The following ZNF780B variants were observed in gnomAD, a reference collection of about 807,000 sequenced individuals.
ZNF780B encodes zinc finger protein 779.
A neutral mutation model predicts 74.1 loss-of-function variants in ZNF780B; 52 were observed. The observed-to-expected ratio is 0.70, with a 90% CI of 0.56 to 0.88. ZNF780B has a LOEUF of 0.88. ZNF780B is among the 40% of genes least tolerant of loss of function. ZNF780B has a pLI of 0.00. For synonymous variants in ZNF780B, 315 were observed against 324.3 expected (o/e 0.97, Z 0.31); for missense variants, 953 against 1,007.6 (o/e 0.95, Z 0.73).
At position 40,034,996 on chromosome 19, in the gene ZNF780B, G is replaced by A. The variant is rs1972184957; in HGVS notation, c.1863C>T (p.Ala621=). ...GATTAAGCTGGGTGTGAAGACTGAA[G>A]GCCTTGCCACATTCCTTACATTCAA... ...KPFECKECGK[A]FSLHTQLNHH... is the part of the protein sequence containing the mutation. Residue 621 remains alanine, a synonymous_variant, in exon 5 of 5, where the codon GCC becomes GCT. Transcript: ENST00000434248. The A allele has an allele frequency of 6.2e-7, 1 of 1,613,888 alleles. No individual in the cohort carries two copies. Among genetic ancestry groups the A allele is most frequent in the Admixed American group, 1.7e-5 (1 of 59,990 alleles).
chr19:40,033,250 A>C lies in ZNF780B; in HGVS notation c.*1107T>G, dbSNP rs1414382676. 1 of 154,930 alleles carries C rather than the reference A, an allele frequency of 6.5e-6. No homozygotes were observed. Among genetic ancestry groups the C allele is most frequent in the East Asian group, 1.9e-4 (1 of 5,206 alleles). The allele number at this position is 154,930 out of a possible 1,614,324, so 9.6% of individuals were successfully genotyped here. A position where few individuals can be genotyped will look rare whatever the true frequency, so the allele number is the denominator to read the frequency against. ...TGTGACACAAAGACATGAAATGTGC[A>C]TATGCTGTTTGGAAAATGGTGCTGA... On this transcript the variant is annotated 3_prime_UTR_variant, in exon 5 of 5. Transcript: ENST00000434248.
chr19:40,054,492 A>T (rs1002512000), intron 1 of ZNF780B, among the ~76,000 whole-genome samples: 4 of 152,208 alleles, frequency 2.6e-5, no homozygotes, highest in Admixed American at 2.0e-4. Flanking sequence ...ATCATGTTGC[A>T]CACGATAAAT....
At chr19:40,052,432 T>C (rs1325570068) in intron 1 of ZNF780B, among the ~76,000 whole-genome samples, 1 of 152,186 alleles carries the variant, frequency 6.6e-6, no homozygotes, top group African/African-American at 2.4e-5. Context: ...AATGATATAC[T>C]ATTTCTCCCT....
chr19:40,046,115 G>A (rs1323975836), intron 4 of ZNF780B, among the ~76,000 whole-genome samples: 1 of 152,120 alleles, frequency 6.6e-6, no homozygotes, highest in Non-Finnish European at 1.5e-5. Flanking sequence ...GAGGGGTGGG[G>A]GATGAAGAGG....
In ZNF780B at chr19:40,035,262, C is replaced by G. The variant is rs767306074; in HGVS notation, c.1597G>C (p.Glu533Gln). 10 of 1,614,162 alleles carry G rather than the reference C, an allele frequency of 6.2e-6. No homozygotes were observed. The Admixed American group carries it at 1.5e-4, about 24-fold the overall frequency. ...HTGEKPYECK[E>Q]CGKAFRLHLQ... is the part of the protein sequence containing the mutation. ...TGAAGTCTAAAAGCCTTCCCACACT[C>G]CTTACATTCATAGGGCTTCTCACCA... The change falls in exon 5 of 5, where the codon GAG becomes CAG. Residue 533 changes from glutamate to glutamine, a missense_variant. Coordinates refer to ENST00000434248, the MANE Select transcript of ZNF780B (RefSeq NM_001005851.3).
At chr19:40,049,095 G>A (rs747099890) in intron 2 of ZNF780B, 36 of 341,908 alleles carry the variant, frequency 1.1e-4, no homozygotes, top group Non-Finnish European at 1.5e-4. Flanking sequence ...AAGAACTGTC[G>A]TGGTGGCATG....
intron 4 of ZNF780B, among the ~76,000 whole-genome samples, chr19:40,043,237 A>G (rs191529256): frequency 0.015 from 2,282 of 151,746 alleles, 34 homozygotes; most frequent in African/African-American, 0.032. Flanking sequence ...AACAGTGGAT[A>G]TTGGTGACCC....
Position 40,035,343 on chromosome 19 carries a change from A to G in ZNF780B, c.1516T>C (p.Cys506Arg). Reference protein sequence around the residue: ...TGEKPFECKDCGKAFNRGSNL... With the variant: ...TGEKPFECKDRGKAFNRGSNL... Reference sequence around the variant, plus strand: ...GAGCCACGATTGAAGGCCTTCCCACAGTCTTTACATTCAAATGGTTTCTCA... The same window carrying G: ...GAGCCACGATTGAAGGCCTTCCCACGGTCTTTACATTCAAATGGTTTCTCA... The change falls in exon 5 of 5, where the codon TGT becomes CGT. Residue 506 changes from cysteine to arginine, a missense_variant. Cys to Arg is a radical substitution (Grantham distance 180). Transcript: ENST00000434248. 1 of 1,614,128 alleles carries G rather than the reference A, an allele frequency of 6.2e-7. No individual in the cohort carries two copies. Among genetic ancestry groups the G allele is most frequent in the Non-Finnish European group, 8.5e-7 (1 of 1,180,028 alleles).
chr19:40,034,436 G>GTA lies in ZNF780B; in HGVS notation c.2422_2423insTA (p.Pro808LeufsTer3). The GTA allele has an allele frequency of 1.2e-6, 2 of 1,613,896 alleles. No individual in the cohort carries two copies. Among genetic ancestry groups the GTA allele is most frequent in the Non-Finnish European group, 1.7e-6 (2 of 1,179,954 alleles). ...CTGTCCCACATTTCTTACATTCAAA[G>GTA]GGTTTCTCACCTGTACAAGTTTTTG... is the stretch of plus-strand genomic sequence containing the variant. On this transcript the variant is annotated frameshift_variant, in exon 5 of 5. Transcript: ENST00000434248. LOFTEE classifies it high-confidence loss of function.
At chr19:40,039,692 C>A (rs2144748673) in intron 4 of ZNF780B, among the ~76,000 whole-genome samples, 1 of 152,320 alleles carries the variant, frequency 6.6e-6, no homozygotes, top group South Asian at 2.1e-4. Context: ...GGAGTTCACT[C>A]ATAATTTGGC....
At position 40,047,447 on chromosome 19, in the gene ZNF780B, C is replaced by T; in HGVS notation, c.160G>A (p.Val54Met). The change falls in exon 4 of 5, where the codon GTG (valine) becomes ATG (methionine). Residue 54 changes from valine (V) to methionine (M), a missense_variant. Physicochemically the swap from Val to Met is conservative, Grantham distance 21. Transcript: ENST00000434248. ...TTCTCTTGCTCTAGTAATGTAATCA[C>T]ATCTGGCTTAGAAATGGAACTTCCT... Reference protein sequence around the residue: ...SLGSSISKPDVITLLEQEKEP... With the variant: ...SLGSSISKPDMITLLEQEKEP... 1.9e-6 allele frequency: 3 copies of T among 1,612,888 alleles called. No homozygotes were observed. In the South Asian group the frequency reaches 3.3e-5, roughly 18 times the overall value.
At chr19:40,041,604 T>C (rs2144761936) in intron 4 of ZNF780B, among the ~76,000 whole-genome samples, 1 of 152,342 alleles carries the variant, frequency 6.6e-6, no homozygotes, top group African/African-American at 2.4e-5. Flanking sequence ...ATTGGGTGCA[T>C]ATATATTTAG....
chr19:40,040,923 T>G (rs980174015), intron 4 of ZNF780B, among the ~76,000 whole-genome samples: 1 of 152,220 alleles, frequency 6.6e-6, no homozygotes, highest in Admixed American at 6.5e-5. Flanking sequence ...AGTTCTGCTC[T>G]GATTTTAGTT....
At chr19:40,045,154 T>C (rs1419224263) in intron 4 of ZNF780B, among the ~76,000 whole-genome samples, 1 of 152,114 alleles carries the variant, frequency 6.6e-6, no homozygotes, top group African/African-American at 2.4e-5. Context: ...AATATAACAA[T>C]TCTAAACATA....
Position 40,036,327 on chromosome 19 carries a change from A to C in ZNF780B, c.532T>G (p.Ser178Ala). The C allele has an allele frequency of 6.2e-7, 1 of 1,613,892 alleles. No homozygotes were observed. Among genetic ancestry groups the C allele is most frequent in the South Asian group, 1.1e-5 (1 of 91,008 alleles). Residue 178 changes from serine to alanine, a missense_variant, in exon 5 of 5, where the codon TCA (serine) becomes GCA (alanine). Coordinates refer to ENST00000434248, the MANE Select transcript of ZNF780B (RefSeq NM_001005851.3). The part of the protein sequence containing the change: ...KECGKYFSCG[S>A]NLIQHQSIHT... ...ATACTCTGATGCTGAATAAGATTTGAACCACAACTAAAGTATTTCCCACAT... is the reference window on the plus strand; with the variant it reads ...ATACTCTGATGCTGAATAAGATTTGCACCACAACTAAAGTATTTCCCACAT...
intron 4 of ZNF780B, among the ~76,000 whole-genome samples, chr19:40,040,171 G>C (rs1262211151): frequency 9.2e-5 from 14 of 152,164 alleles, no homozygotes; most frequent in Non-Finnish European, 1.8e-4. Flanking sequence ...AGATAATCAT[G>C]TGGTTTTTGT....
chr19:40,050,196 CAAAAAAAAAAAAAAAA>C (rs74179712), intron 2 of ZNF780B, 112 bp downstream of exon 2: 1 of 391,030 alleles, frequency 2.6e-6, no homozygotes, highest in Non-Finnish European at 3.8e-6. Context: ...GACTCCGTCT[CAAAAAAAAAAAAAAAA>C]AAAAAAAAAA....
At chr19:40,040,164 T>A (rs1213388919) in intron 4 of ZNF780B, among the ~76,000 whole-genome samples, 1 of 152,252 alleles carries the variant, frequency 6.6e-6, no homozygotes, top group Non-Finnish European at 1.5e-5. Flanking sequence ...TCTATTGAGA[T>A]AATCATGTGG....
At position 40,035,210 on chromosome 19, in the gene ZNF780B, G is replaced by T; in HGVS notation, c.1649C>A (p.Thr550Asn). The change falls in exon 5 of 5, where the codon ACT (threonine) becomes AAT (asparagine). Residue 550 changes from threonine (T) to asparagine (N), a missense_variant. Transcript: ENST00000434248. ...LHLQLSQHEKTHTGEKPFECK... is the reference protein window; with the variant it reads ...LHLQLSQHEKNHTGEKPFECK... ...TTCAAAGGGTTTCTCACCTGTATGA[G>T]TTTTCTCATGTTGAGAAAGTTGTAG... 2 of 1,612,900 alleles carry T rather than the reference G, an allele frequency of 1.2e-6. No individual in the cohort carries two copies. Among genetic ancestry groups the T allele is most frequent in the Non-Finnish European group, 1.7e-6 (2 of 1,179,774 alleles).
Sources: gnomAD v4.1 joint callset for allele counts (sites outside exome capture counted in the v4.1 genomes callset) on GRCh38, gnomAD v4.1.1 for gene constraint, MANE v1.5 for transcripts, NCBI Gene and HGNC (gene_info 2026-07-23, HGNC 2026-07-21) for gene names.